The following LZTFL1 variants were observed in gnomAD, a reference collection of about 807,000 sequenced individuals.
LZTFL1 encodes the protein leucine zipper transcription factor like 1, also known as leucine zipper transcription factor-like protein 1.
A neutral mutation model predicts 45.9 loss-of-function variants in LZTFL1; 25 were observed. That is an observed-to-expected ratio of 0.54 (90% CI 0.40 to 0.76). The LOEUF is 0.76. Ranked by LOEUF, LZTFL1 falls within the 30% of genes least tolerant of loss-of-function variation. LZTFL1 has a pLI of 0.00. For missense variants in LZTFL1, 277 were observed against 331.1 expected (o/e 0.84, Z 1.27); for synonymous variants, 93 against 117.4 (o/e 0.79, Z 1.35).
At chr3:45,847,118 T>G (rs1701229449), upstream of LZTFL1, among the ~76,000 whole-genome samples, 1 of 152,226 alleles carries the variant, frequency 6.6e-6, no homozygotes, top group South Asian at 2.1e-4. Flanking sequence ...CTAATTCCTC[T>G]GGTGTGGTGT....
chr3:45,870,118 C>A (rs537387665), intron 2 of LZTFL1, among the ~76,000 whole-genome samples: 75 of 152,340 alleles, frequency 4.9e-4, no homozygotes, highest in Non-Finnish European at 8.4e-4. Flanking sequence ...CACTTTCTCT[C>A]CAGTGCCCGC....
intron 2 of LZTFL1, among the ~76,000 whole-genome samples, chr3:45,905,150 T>C (rs908720873): frequency 1.3e-5 from 2 of 152,198 alleles, no homozygotes; most frequent in African/African-American, 4.8e-5. Context: ...TAGTCACTGA[T>C]TGTTTAGTCA....
At chr3:45,889,671 TG>T (rs1702087284) in intron 2 of LZTFL1, among the ~76,000 whole-genome samples, 2 of 151,930 alleles carry the variant, frequency 1.3e-5, no homozygotes, top group South Asian at 4.1e-4. Flanking sequence ...AGCAGTGCAG[TG>T]TATGTCTTTT....
chr3:45,913,287 C>A, intron 1 of LZTFL1: 1 of 765,270 alleles, frequency 1.3e-6, no homozygotes, highest in South Asian at 1.8e-5. Context: ...GGACCTGCCA[C>A]AACCTAAAGA....
chr3:45,913,287 C>CA (rs1360258502), intron 1 of LZTFL1: 3 of 765,170 alleles, frequency 3.9e-6, no homozygotes, highest in African/African-American at 3.6e-5. Context: ...GGACCTGCCA[C>CA]AACCTAAAGA....
At chr3:45,887,295 AAGTC>A (rs2125735531) in intron 2 of LZTFL1, among the ~76,000 whole-genome samples, 1 of 151,798 alleles carries the variant, frequency 6.6e-6, no homozygotes, top group South Asian at 2.1e-4. Context: ...TACAGAGAAA[AAGTC>A]AGAAAGGAAG....
chr3:45,845,112 G>A (rs1005277893), upstream of LZTFL1, among the ~76,000 whole-genome samples: 1 of 152,148 alleles, frequency 6.6e-6, no homozygotes, highest in Non-Finnish European at 1.5e-5. Flanking sequence ...TAAAGATGAT[G>A]ATACGCACCA....
At chr3:45,912,317 T>A (rs973389073) in intron 2 of LZTFL1, among the ~76,000 whole-genome samples, 1 of 152,138 alleles carries the variant, frequency 6.6e-6, no homozygotes, top group Non-Finnish European at 1.5e-5. Flanking sequence ...TTGGTAGAAA[T>A]ATTACAAAAA....
At chr3:45,887,036 A>G (rs1461406114) in intron 2 of LZTFL1, among the ~76,000 whole-genome samples, 1 of 152,172 alleles carries the variant, frequency 6.6e-6, no homozygotes, top group Non-Finnish European at 1.5e-5. Flanking sequence ...GTAGCAGTGA[A>G]AAACTGGAAA....
At chr3:45,832,145 C>T (rs560343010) in intron 5 of LZTFL1, among the ~76,000 whole-genome samples, 1 of 152,054 alleles carries the variant, frequency 6.6e-6, no homozygotes, top group Non-Finnish European at 1.5e-5. Context: ...GGCGTGAACC[C>T]GGGAGGTGGA....
chr3:45,868,204 G>A (rs1429577795), intron 2 of LZTFL1, among the ~76,000 whole-genome samples: 1 of 147,362 alleles, frequency 6.8e-6, no homozygotes, highest in African/African-American at 2.5e-5. Context: ...TTTTTAAAAA[G>A]TATTTTAATT....
At position 45,900,802 on chromosome 3, in the gene LZTFL1, C is replaced by A. The variant is rs755154974; in HGVS notation, c.-215+12318G>T. 1.2e-6 allele frequency: 2 copies of A among 1,603,210 alleles called. No homozygotes were observed. The highest frequency in any genetic ancestry group is 1.7e-6 in the Non-Finnish European group (2 of 1,173,036). On this transcript the variant is annotated intron_variant, in intron 2 of 4. Coordinates refer to the LZTFL1 transcript ENST00000472635. The surrounding 1 kb of genome is among the most constrained non-coding windows in gnomAD (Gnocchi z 4.7). ...CTTGACCTAATGCCATCTTGTGTCC[C>A]CTTGCAGAGCCCTATTCCTAACATG...
intron 2 of LZTFL1, among the ~76,000 whole-genome samples, chr3:45,899,486 TA>T (rs1309505353): frequency 6.6e-6 from 1 of 152,208 alleles, no homozygotes; most frequent in Non-Finnish European, 1.5e-5. Context: ...CAAAACAAAA[TA>T]AAAACTTATT....
chr3:45,863,506 C>T (rs1701527038), intron 2 of LZTFL1, among the ~76,000 whole-genome samples: 1 of 152,146 alleles, frequency 6.6e-6, no homozygotes, highest in Admixed American at 6.5e-5. Context: ...ATCAGACCAC[C>T]ATCACCCTCA....
chr3:45,901,503 C>G lies in LZTFL1; in HGVS notation c.-215+11617G>C. On this transcript the variant is annotated intron_variant, in intron 2 of 4. Coordinates refer to the LZTFL1 transcript ENST00000472635. This position sits in a 1 kb window ranked among gnomAD's most constrained non-coding sequence, Gnocchi z 4.3. ...GGCTTGCTGCTATACCATCATCATTCACACCCTGATACAAGCCAAGAAGTC... is the reference window on the plus strand; with the variant it reads ...GGCTTGCTGCTATACCATCATCATTGACACCCTGATACAAGCCAAGAAGTC... 6.2e-7 allele frequency: 1 copy of G among 1,614,204 alleles called. No individual in the cohort carries two copies. The highest frequency in any genetic ancestry group is 8.5e-7 in the Non-Finnish European group (1 of 1,180,026).
intron 2 of LZTFL1, among the ~76,000 whole-genome samples, chr3:45,899,176 A>C (rs1236603968): frequency 6.6e-6 from 1 of 152,242 alleles, no homozygotes; most frequent in African/African-American, 2.4e-5. Flanking sequence ...CAAAACAAAC[A>C]AACAAATAAA....
At chr3:45,845,219 C>T (rs529783740), upstream of LZTFL1, among the ~76,000 whole-genome samples, 1 of 152,292 alleles carries the variant, frequency 6.6e-6, no homozygotes, top group African/African-American at 2.4e-5. Context: ...TCTGGATACT[C>T]GCAAGACACA....
chr3:45,877,190 T>A (rs938445139), intron 2 of LZTFL1, among the ~76,000 whole-genome samples: 3 of 151,846 alleles, frequency 2.0e-5, no homozygotes, highest in African/African-American at 7.3e-5. Flanking sequence ...GTAGGGCTTC[T>A]CAGAACCTGT....
chr3:45,897,554 C>T (rs1020066012), intron 2 of LZTFL1: 1 of 1,531,388 alleles, frequency 6.5e-7, no homozygotes, highest in Non-Finnish European at 8.8e-7. Context: ...CCATTCTGCT[C>T]CTGCAGTCTC....
Sources: allele counts gnomAD v4.1 joint callset (sites outside exome capture counted in the v4.1 genomes callset), GRCh38; gene constraint gnomAD v4.1.1; non-coding constraint Gnocchi (gnomAD v3.1); transcripts MANE v1.5; gene names NCBI Gene and HGNC (gene_info 2026-07-23, HGNC 2026-07-21).